Variants in WDR20 observed in about 807,000 individuals in gnomAD.
The protein encoded by WDR20 is WD repeat-containing protein 20.
WDR20 carries 3 observed loss-of-function variants against 38.7 expected under a neutral mutation model. The observed-to-expected ratio is 0.08, with a 90% CI of 0.04 to 0.20. WDR20 has a LOEUF of 0.20. Among genes scored for constraint, WDR20 ranks in the 10% least tolerant of loss-of-function variants. The pLI is 1.00. For synonymous variants in WDR20, 298 were observed against 285.6 expected, an observed-to-expected ratio of 1.04 and a Z score of -0.44; for missense variants, 559 against 727.7, an observed-to-expected ratio of 0.77 and a Z score of 2.67.
At chr14:102,157,680 C>T (rs548699688) in intron 1 of WDR20, among the ~76,000 whole-genome samples, 1 of 152,154 alleles carries the variant, frequency 6.6e-6, no homozygotes, top group African/African-American at 2.4e-5. Flanking sequence ...GATGGTGGGT[C>T]AGCTGAAAGG....
chr14:102,206,239 G>C (rs1021764228), intron 2 of WDR20, among the ~76,000 whole-genome samples: 4 of 152,094 alleles, frequency 2.6e-5, no homozygotes, highest in Non-Finnish European at 5.9e-5. Context: ...CACCCTCCTC[G>C]GCCTCCCAAA....
chr14:102,183,441 A>G (rs781099983), intron 1 of WDR20, among the ~76,000 whole-genome samples: 2 of 152,262 alleles, frequency 1.3e-5, no homozygotes, highest in Non-Finnish European at 2.9e-5. Context: ...TTTGAAACAC[A>G]GCAGTGTACT....
chr14:102,139,842 G>T, upstream of WDR20: 1 of 1,559,418 alleles, frequency 6.4e-7, no homozygotes, highest in South Asian at 1.2e-5. Context: ...CAGGGGGTGG[G>T]GGAAGAGGGA....
At chr14:102,217,615 C>CG (rs1220889436), downstream of WDR20, among the ~76,000 whole-genome samples, 34 of 152,216 alleles carry the variant, frequency 2.2e-4, 1 homozygote, top group Admixed American at 1.8e-3. Flanking sequence ...GGGCTGGGCC[C>CG]AGGGTTCCCG....
chr14:102,161,146 T>A (rs1390467465), intron 1 of WDR20, among the ~76,000 whole-genome samples: 252 of 12,108 alleles, frequency 0.021, no homozygotes, highest in South Asian at 0.029. Context: ...ATATATATTT[T>A]TTTTTTTTTT....
chr14:102,214,205 G>A (rs546135223), downstream of WDR20: 7 of 985,662 alleles, frequency 7.1e-6, no homozygotes, highest in African/African-American at 7.0e-5. Flanking sequence ...TGACAAAGGT[G>A]AAGGTTTATA....
Position 102,183,974 on chromosome 14 carries a change from G to T in WDR20, c.250-10964G>T, listed in dbSNP as rs536746796. On this transcript the variant is annotated intron_variant, in intron 1 of 2. Transcript: ENST00000342702. ...ATCTTTAAAAAACATTTTTTTCTAA[G>T]AATTTGAAATCATCTTTTGCAGAAA... Among the ~76,000 whole-genome samples, 25 of 152,266 alleles carry T rather than the reference G, an allele frequency of 1.6e-4. No homozygotes were observed. In the South Asian group the frequency reaches 4.3e-3, roughly 26 times the overall value.
chr14:102,193,441 A>G (rs1243616464), intron 1 of WDR20: 1 of 1,610,714 alleles, frequency 6.2e-7, no homozygotes, highest in Non-Finnish European at 8.5e-7. Context: ...TCATGTATAT[A>G]TTCTCTTATT....
downstream of WDR20, chr14:102,213,738 T>C: frequency 1.0e-6 from 1 of 985,432 alleles, no homozygotes; most frequent in African/African-American, 1.7e-5. Flanking sequence ...AAATGAGTGC[T>C]GAAGTTGCCT....
chr14:102,163,513 G>A (rs145917492), intron 1 of WDR20, among the ~76,000 whole-genome samples: 7,230 of 149,546 alleles, frequency 0.048, 566 homozygotes, highest in African/African-American at 0.16. Context: ...CTGTAATCCC[G>A]GCTACCCAGG....
At chr14:102,195,179 C>A in intron 2 of WDR20, 59 bp downstream of exon 2, 1 of 1,559,700 alleles carries the variant, frequency 6.4e-7, no homozygotes, top group Non-Finnish European at 8.7e-7. Flanking sequence ...ACATTCTTAC[C>A]GAGGGTAGTC....
intron 2 of WDR20, among the ~76,000 whole-genome samples, chr14:102,206,103 C>T (rs1188358282): frequency 6.6e-6 from 1 of 152,240 alleles, no homozygotes; most frequent in Non-Finnish European, 1.5e-5. Context: ...TCTCCTGCCT[C>T]AGCCTCCAGA....
chr14:102,205,142 C>A lies in WDR20; in HGVS notation c.433-3461C>A, dbSNP rs149983444. On this transcript the variant is annotated intron_variant, in intron 2 of 2. Transcript: ENST00000342702. ...GGTGTGGCGACACTCACCTGAAGCA[C>A]CAGCTATACTCAGGAGGCTGAGGTG... is the stretch of plus-strand genomic sequence containing the variant. Among the ~76,000 whole-genome samples, 88 of 152,144 alleles carry A rather than the reference C, an allele frequency of 5.8e-4. 1 individual carries two copies. The highest frequency in any genetic ancestry group is 9.3e-4 in the Non-Finnish European group (63 of 67,992).
chr14:102,156,459 C>T (rs753036365), intron 1 of WDR20, among the ~76,000 whole-genome samples: 13 of 152,008 alleles, frequency 8.6e-5, no homozygotes, highest in East Asian at 1.9e-4. Context: ...TGAGCCACTG[C>T]GCCTGGCCCC....
chr14:102,164,000 A>G (rs2059282212), intron 1 of WDR20, among the ~76,000 whole-genome samples: 1 of 152,172 alleles, frequency 6.6e-6, no homozygotes, highest in African/African-American at 2.4e-5. Context: ...AGCTCAGCTA[A>G]TTTAAAAATG....
chr14:102,154,200 G>A lies in WDR20; in HGVS notation c.249+14028G>A, dbSNP rs149899289. On this transcript the variant is annotated intron_variant, in intron 1 of 2. Transcript: ENST00000342702. The stretch of plus-strand genomic sequence containing the variant: ...AATCTTTCATATACTACTTACTACT[G>A]GTTGTCTTAGTCTCTCAGACTACTG... Among the ~76,000 whole-genome samples, 518 of 152,266 alleles carry A rather than the reference G, an allele frequency of 3.4e-3. 3 individuals carry two copies. Among genetic ancestry groups the A allele is most frequent in the Non-Finnish European group, 6.2e-3 (420 of 68,010 alleles).
intron 2 of WDR20, among the ~76,000 whole-genome samples, chr14:102,200,397 C>T (rs575346926): frequency 6.6e-5 from 10 of 152,032 alleles, no homozygotes; most frequent in Admixed American, 5.2e-4. Flanking sequence ...GAGAGTCACC[C>T]GGTCACATTC....
intron 2 of WDR20, among the ~76,000 whole-genome samples, chr14:102,202,381 T>G (rs930505625): frequency 1.5e-5 from 2 of 136,804 alleles, no homozygotes; most frequent in African/African-American, 2.7e-5. Context: ...GGTTTTTTTT[T>G]TTTTTTTTTT....
chr14:102,180,437 A>G (rs1407120362), intron 1 of WDR20, among the ~76,000 whole-genome samples: 1 of 152,176 alleles, frequency 6.6e-6, no homozygotes, highest in Non-Finnish European at 1.5e-5. Context: ...CTTTCTCTAT[A>G]TAACATATCA....
Sources: allele counts gnomAD v4.1 joint callset (sites outside exome capture counted in the v4.1 genomes callset), GRCh38; gene constraint gnomAD v4.1.1; transcripts MANE v1.5; gene names NCBI Gene and HGNC (gene_info 2026-07-23, HGNC 2026-07-21).